CARMIL1: variants seen among roughly 807,000 people sequenced by gnomAD.
The protein encoded by CARMIL1 is capping protein regulator and myosin 1 linker 1, also known as F-actin-uncapping protein LRRC16A.
Under a neutral mutation model 177.1 loss-of-function variants are expected in CARMIL1, and 90 were observed. The ratio of observed to expected loss-of-function variants is 0.51; its 90% confidence interval spans 0.43 to 0.61. The LOEUF is 0.61. Among genes scored for constraint, CARMIL1 ranks in the 20% least tolerant of loss-of-function variants. CARMIL1 has a pLI of 0.00. For missense variants in CARMIL1, 1,380 were observed against 1,667.0 expected, an observed-to-expected ratio of 0.83 and a Z score of 3.00; for synonymous variants, 577 against 606.2, an observed-to-expected ratio of 0.95 and a Z score of 0.71.
At chr6:25,359,265 C>T (rs1463566345) in intron 2 of CARMIL1, among the ~76,000 whole-genome samples, 1 of 152,188 alleles carries the variant, frequency 6.6e-6, no homozygotes, top group Non-Finnish European at 1.5e-5. Context: ...TCAGCCCTGC[C>T]GTTGGAACTC....
intron 31 of CARMIL1, among the ~76,000 whole-genome samples, chr6:25,585,717 C>T (rs1311678979): frequency 2.6e-5 from 4 of 152,116 alleles, no homozygotes; most frequent in African/African-American, 9.7e-5. Flanking sequence ...GTTTGTGTCC[C>T]TGGGTACTTG....
chr6:25,594,269 G>A (rs1236422217), intron 31 of CARMIL1, 146 bp from the exon 32 acceptor site: 1 of 555,738 alleles, frequency 1.8e-6, no homozygotes, highest in Non-Finnish European at 3.2e-6. Flanking sequence ...TGTACATATG[G>A]CTTCTATTCC....
chr6:25,582,371 G>T (rs1262062813), intron 31 of CARMIL1, among the ~76,000 whole-genome samples: 18 of 152,110 alleles, frequency 1.2e-4, no homozygotes, highest in Admixed American at 1.2e-3. Context: ...ACCCATTTAA[G>T]TTTTTTATTG....
chr6:25,612,953 CTGTAAT>C, intron 36 of CARMIL1: 1 of 923,120 alleles, frequency 1.1e-6, no homozygotes, highest in Non-Finnish European at 1.3e-6. Flanking sequence ...CAAAAACAAA[CTGTAAT>C]TGAGTGAATT....
At chr6:25,512,202 AT>A (rs1426963090) in intron 20 of CARMIL1, among the ~76,000 whole-genome samples, 1 of 152,208 alleles carries the variant, frequency 6.6e-6, no homozygotes, top group Non-Finnish European at 1.5e-5. Context: ...CATAAATTTT[AT>A]GTTTTGCTCA....
In CARMIL1 at chr6:25,284,799, T is replaced by TC. The variant is rs745816347; in HGVS notation, c.41-13_41-12insC. The TC allele has an allele frequency of 7.8e-6, 9 of 1,150,486 alleles. No individual in the cohort carries two copies. In the South Asian group the frequency reaches 1.2e-4, roughly 16 times the overall value. The allele number at this position is 1,150,486 out of a possible 1,614,324, so 71.3% of individuals were successfully genotyped here. Reference sequence around the variant, plus strand: ...TTTTTCTTATTAATAACATAATTCCTTTTTTTTTTCAGAAAGCATAAAGGA... The same window carrying TC: ...TTTTTCTTATTAATAACATAATTCCTCTTTTTTTTTCAGAAAGCATAAAGGA... On this transcript the variant is annotated splice_polypyrimidine_tract_variant and intron_variant, in intron 1 of 36. Coordinates refer to ENST00000329474, the MANE Select transcript of CARMIL1 (RefSeq NM_017640.6).
At chr6:25,369,390 T>G (rs1039770787) in intron 2 of CARMIL1, among the ~76,000 whole-genome samples, 10 of 151,740 alleles carry the variant, frequency 6.6e-5, no homozygotes, top group Non-Finnish European at 4.4e-5. Flanking sequence ...TTTTTTTTTT[T>G]TTTTTTTAAA....
At chr6:25,408,736 A>G (rs1477022101) in intron 2 of CARMIL1, among the ~76,000 whole-genome samples, 1 of 151,912 alleles carries the variant, frequency 6.6e-6, no homozygotes, top group Non-Finnish European at 1.5e-5. Context: ...GGGGCTGTAT[A>G]GAAAGTGTGA....
intron 31 of CARMIL1, among the ~76,000 whole-genome samples, chr6:25,589,233 T>C (rs1814070921): frequency 6.6e-6 from 1 of 152,236 alleles, no homozygotes; most frequent in South Asian, 2.1e-4. Flanking sequence ...TTGCTAAAAC[T>C]CTTACTGTAT....
chr6:25,301,633 G>T (rs566647446), intron 2 of CARMIL1, among the ~76,000 whole-genome samples: 3 of 152,122 alleles, frequency 2.0e-5, no homozygotes, highest in Non-Finnish European at 4.4e-5. Flanking sequence ...TTGCAGGTGG[G>T]TTTCATGGCA....
At chr6:25,607,953 GAAC>G (rs1816140449) in intron 35 of CARMIL1, among the ~76,000 whole-genome samples, 1 of 152,106 alleles carries the variant, frequency 6.6e-6, no homozygotes, top group Non-Finnish European at 1.5e-5. Flanking sequence ...TTATGATGGG[GAAC>G]ACAAAAAATT....
At chr6:25,415,939 G>A (rs1795317304) in intron 2 of CARMIL1, among the ~76,000 whole-genome samples, 1 of 151,966 alleles carries the variant, frequency 6.6e-6, no homozygotes, top group Non-Finnish European at 1.5e-5. Context: ...AAGACGGGGT[G>A]GAGTGTGGGG....
chr6:25,429,859 A>T (rs896570313), intron 4 of CARMIL1, among the ~76,000 whole-genome samples: 7 of 145,492 alleles, frequency 4.8e-5, no homozygotes, highest in Non-Finnish European at 8.9e-5. Context: ...TTATATATAT[A>T]TTTTTGAGAC....
intron 8 of CARMIL1, 111 bp downstream of exon 8, chr6:25,450,822 TC>T: frequency 6.3e-5 from 1 of 15,896 alleles, no homozygotes; most frequent in Non-Finnish European, 1.3e-4. Flanking sequence ...CCCCTCCCCT[TC>T]CCTCCCCTTC....
chr6:25,586,191 T>A lies in CARMIL1; in HGVS notation c.3006+4752T>A, dbSNP rs555345784. On this transcript the variant is annotated intron_variant, in intron 31 of 36. Transcript: ENST00000329474. The stretch of plus-strand genomic sequence containing the variant: ...CTGCCGGGCAGAGACGCTCCTCACT[T>A]CCCGGACGGGGTGGCTGCCGGGCGG... Among the ~76,000 whole-genome samples the A allele has an allele frequency of 1.2e-3, 176 of 146,868 alleles. 2 individuals are homozygous for A. The highest frequency in any genetic ancestry group is 7.0e-3 in the Middle Eastern group (2 of 284).
chr6:25,529,755 CAAAAAAAAAAA>C (rs70977217), intron 24 of CARMIL1, among the ~76,000 whole-genome samples: 643 of 33,460 alleles, frequency 0.019, 5 homozygotes, highest in Middle Eastern at 0.065. Flanking sequence ...ACTCCGTCTC[CAAAAAAAAAAA>C]AAAAAAAAAA....
rs1244656644 is a variant in CARMIL1 at position 25,326,182 on chromosome 6, T to C, written c.138+41273T>C. Among the ~76,000 whole-genome samples the C allele has an allele frequency of 3.3e-5, 5 of 152,152 alleles. No homozygotes were observed. The highest frequency in any genetic ancestry group is 2.6e-4 in the Admixed American group (4 of 15,288). ...TGCGCTCGGCCTAGATGAGACATTTTTGAGAAAATAACATTTAAGATGAGG... is the reference window on the plus strand; with the variant it reads ...TGCGCTCGGCCTAGATGAGACATTTCTGAGAAAATAACATTTAAGATGAGG... On this transcript the variant is annotated intron_variant, in intron 2 of 36. Transcript: ENST00000329474. This position sits in a 1 kb window ranked among gnomAD's most constrained non-coding sequence, Gnocchi z 4.2.
At position 25,389,121 on chromosome 6, in the gene CARMIL1, A is replaced by G. The variant is rs377306423; in HGVS notation, c.139-30993A>G. On this transcript the variant is annotated intron_variant, in intron 2 of 36. Coordinates refer to ENST00000329474, the MANE Select transcript of CARMIL1 (RefSeq NM_017640.6). ...CATGTTTTACGTTCAGTACTCACCA[A>G]ACATTTCCAAGTGCCTGGCACTGTG... 8 of 152,308 alleles carry G rather than the reference A, an allele frequency of 5.3e-5. No individual in the cohort carries two copies. In the East Asian group the frequency reaches 7.7e-4, roughly 15 times the overall value. 9.4% of individuals were successfully genotyped at this position (152,308 alleles called of 1,614,324 possible).
chr6:25,396,174 T>C (rs1430686946), intron 2 of CARMIL1, among the ~76,000 whole-genome samples: 1 of 152,026 alleles, frequency 6.6e-6, no homozygotes, highest in Non-Finnish European at 1.5e-5. Flanking sequence ...TTCTGCTTTT[T>C]TTTTTTAAGA....
Sources: gnomAD v4.1 joint callset for allele counts (sites outside exome capture counted in the v4.1 genomes callset) on GRCh38, gnomAD v4.1.1 for gene constraint, Gnocchi (gnomAD v3.1) non-coding constraint, MANE v1.5 for transcripts, NCBI Gene and HGNC (gene_info 2026-07-23, HGNC 2026-07-21) for gene names.